The following ZC3H12B variants were observed in gnomAD, a reference collection of about 807,000 sequenced individuals.
ZC3H12B encodes the protein probable ribonuclease ZC3H12B.
Under a neutral mutation model 43.9 loss-of-function variants are expected in ZC3H12B, and 7 were observed. The ratio of observed to expected loss-of-function variants is 0.16; its 90% CI spans 0.09 to 0.30. The LOEUF is 0.30. Ranked by LOEUF, ZC3H12B falls within the 10% of genes least tolerant of loss-of-function variation. The probability of loss-of-function intolerance (pLI) is 1.00; values close to 1 mark genes in which losing one functional copy is unlikely to be tolerated. For synonymous variants in ZC3H12B, 222 were observed against 241.7 expected (o/e 0.92, Z 0.76); for missense variants, 475 against 670.2 (o/e 0.71, Z 3.22).
intron 3 of ZC3H12B, among the ~76,000 whole-genome samples, chrX:65,480,846 CAA>C (rs59314463): frequency 1.5e-4 from 10 of 68,449 alleles, no homozygotes; most frequent in Admixed American, 3.6e-4. Flanking sequence ...AACTCTGACT[CAA>C]AAAAAAAAAA....
At chrX:65,124,599 T>C in the ZC3H12B span, among the ~76,000 whole-genome samples, 1 of 111,081 alleles carries the variant, frequency 9.0e-6, no homozygotes, top group Non-Finnish European at 1.9e-5. Flanking sequence ...AATTCAGCTC[T>C]GAATTTGTCT....
At chrX:65,155,067 C>T in the ZC3H12B span, among the ~76,000 whole-genome samples, 1 of 109,305 alleles carries the variant, frequency 9.1e-6, no homozygotes, top group Non-Finnish European at 1.9e-5. Context: ...GCCATCCTCC[C>T]ACCTCAGCAT....
chrX:65,166,897 T>G, the ZC3H12B span, among the ~76,000 whole-genome samples: 1 of 107,349 alleles, frequency 9.3e-6, no homozygotes, highest in African/African-American at 3.8e-5. Flanking sequence ...TTATTTGATT[T>G]TTTCTTGTAA....
the ZC3H12B span, among the ~76,000 whole-genome samples, chrX:65,120,169 T>G: frequency 8.9e-6 from 1 of 112,136 alleles, no homozygotes; most frequent in Non-Finnish European, 1.9e-5. Flanking sequence ...ATTAGTTTTT[T>G]CCAATTCTGT....
chrX:65,166,937 T>C, the ZC3H12B span, among the ~76,000 whole-genome samples: 1 of 112,249 alleles, frequency 8.9e-6, no homozygotes, highest in Non-Finnish European at 1.9e-5. Context: ...AGATTCTTGA[T>C]ATTAGCCCTT....
At chrX:65,119,704 G>A in the ZC3H12B span, among the ~76,000 whole-genome samples, 1 of 111,576 alleles carries the variant, frequency 9.0e-6, no homozygotes, top group African/African-American at 3.3e-5. Context: ...TGGTGTTTTA[G>A]ACATGAAGTC....
chrX:65,460,032 A>G (rs2148174815), intron 3 of ZC3H12B, among the ~76,000 whole-genome samples: 1 of 112,184 alleles, frequency 8.9e-6, no homozygotes, highest in Admixed American at 9.5e-5. Flanking sequence ...AAATCAATGT[A>G]TGAAAATCAC....
chrX:65,184,842 A>T, the ZC3H12B span, among the ~76,000 whole-genome samples: 4 of 111,712 alleles, frequency 3.6e-5, no homozygotes, highest in Non-Finnish European at 7.5e-5. Context: ...ATTTTGACAT[A>T]ATATTCATTT....
chrX:65,227,313 A>G, the ZC3H12B span, among the ~76,000 whole-genome samples: 1 of 111,778 alleles, frequency 8.9e-6, no homozygotes, highest in Non-Finnish European at 1.9e-5. Flanking sequence ...AGGCAGAAAT[A>G]AAGATGTTCT....
the ZC3H12B span, among the ~76,000 whole-genome samples, chrX:65,177,122 A>G: frequency 4.5e-3 from 507 of 112,495 alleles, 5 homozygotes; most frequent in African/African-American, 0.016. Context: ...GGATGGTTCA[A>G]CATACACAAA....
the ZC3H12B span, among the ~76,000 whole-genome samples, chrX:65,049,365 G>A: frequency 1.8e-5 from 2 of 111,146 alleles, no homozygotes; most frequent in African/African-American, 6.5e-5. Context: ...TAAGATAAGG[G>A]TCCAATTTCA....
the ZC3H12B span, among the ~76,000 whole-genome samples, chrX:65,250,965 G>T: frequency 1.8e-5 from 2 of 111,686 alleles, no homozygotes; most frequent in East Asian, 2.8e-4. Context: ...GTCAATTTTG[G>T]CTTTTGTTGC....
chrX:65,153,945 T>G, the ZC3H12B span, among the ~76,000 whole-genome samples: 3 of 110,412 alleles, frequency 2.7e-5, no homozygotes, highest in South Asian at 7.8e-4. Flanking sequence ...ATGGATGAAA[T>G]TGGAAATCAT....
the ZC3H12B span, among the ~76,000 whole-genome samples, chrX:65,256,043 C>T: frequency 3.6e-5 from 4 of 112,057 alleles, no homozygotes; most frequent in African/African-American, 6.5e-5. Flanking sequence ...GAAACAAGTT[C>T]TCAGAATCCT....
the ZC3H12B span, among the ~76,000 whole-genome samples, chrX:65,157,418 C>T: frequency 8.9e-6 from 1 of 111,970 alleles, no homozygotes; most frequent in Non-Finnish European, 1.9e-5. Flanking sequence ...ATTGTTGTGT[C>T]TTCAAAGTAA....
the ZC3H12B span, among the ~76,000 whole-genome samples, chrX:65,247,546 A>G: frequency 8.8e-6 from 1 of 113,075 alleles, no homozygotes; most frequent in Non-Finnish European, 1.9e-5. Context: ...ACAGTGGAAC[A>G]CTATGAAGCT....
intron 3 of ZC3H12B, among the ~76,000 whole-genome samples, chrX:65,476,327 A>G (rs1194214489): frequency 1.8e-5 from 2 of 111,600 alleles, no homozygotes; most frequent in African/African-American, 6.5e-5. Flanking sequence ...TTCTAACTGG[A>G]TAATTTCAAT....
intron 2 of ZC3H12B, among the ~76,000 whole-genome samples, chrX:65,382,372 T>C (rs1185495792): frequency 9.0e-6 from 1 of 110,805 alleles, no homozygotes; most frequent in Non-Finnish European, 1.9e-5. Context: ...TCTCAATAGA[T>C]GCAGAAAAGG....
chrX:65,130,426 G>C, the ZC3H12B span, among the ~76,000 whole-genome samples: 2 of 110,794 alleles, frequency 1.8e-5, no homozygotes, highest in African/African-American at 6.6e-5. Context: ...GTGTCTACCT[G>C]GACCAAGGGG....
Sources: gnomAD v4.1 joint callset for allele counts (sites outside exome capture counted in the v4.1 genomes callset) on GRCh38, gnomAD v4.1.1 for gene constraint, MANE v1.5 for transcripts, NCBI Gene and HGNC (gene_info 2026-07-23, HGNC 2026-07-21) for gene names.